IL1RL1: variants seen among roughly 807,000 people sequenced by gnomAD.
IL1RL1 encodes the protein interleukin 1 receptor like 1.
Under a neutral mutation model 50.9 loss-of-function variants are expected in IL1RL1, and 32 were observed. The ratio of observed to expected loss-of-function variants is 0.63; its 90% CI spans 0.47 to 0.84. IL1RL1 has a LOEUF of 0.84. Ranked by LOEUF, IL1RL1 falls within the 40% of genes least tolerant of loss-of-function variation. IL1RL1 has a pLI of 0.00. For missense variants in IL1RL1, 773 were observed against 662.9 expected (o/e 1.17, Z -1.82); for synonymous variants, 275 against 236.0 (o/e 1.17, Z -1.51).
chr2:102,348,220 C>G (rs777366127), intron 9 of IL1RL1, 129 bp downstream of exon 9: 82 of 706,124 alleles, frequency 1.2e-4, no homozygotes, highest in Non-Finnish European at 1.8e-4. Context: ...AATCTGTTAT[C>G]AGTGAGTTGT....
rs760006499 is a variant in IL1RL1, at chr2:102,351,866, G to A, written c.1616G>A (p.Ser539Asn). 2 of 1,613,848 alleles carry A rather than the reference G, an allele frequency of 1.2e-6. No individual in the cohort carries two copies. The highest frequency in any genetic ancestry group is 4.5e-5 in the East Asian group (2 of 44,874). The change falls in exon 11 of 11, where the codon AGC becomes AAC. Residue 539 changes from serine to asparagine, a missense_variant. Ser to Asn is a conservative substitution (Grantham distance 46). Coordinates refer to ENST00000233954, the MANE Select transcript of IL1RL1 (RefSeq NM_016232.5). ...GTGAGGTACCAAATGCCTGTGCCAA[G>A]CAAAATTCCCAGAAAGGCCTCTAGT... is the stretch of plus-strand genomic sequence containing the variant. ...KHVRYQMPVP[S>N]KIPRKASSLT...
intron 1 of IL1RL1, chr2:102,337,374 A>G (rs1410744110): frequency 1.3e-5 from 2 of 152,326 alleles, no homozygotes; most frequent in East Asian, 3.8e-4. Flanking sequence ...TTGTAATAAG[A>G]AAAGTCTTCA....
Position 102,351,670 on chromosome 2 carries a change from G to A in IL1RL1, c.1420G>A (p.Asp474Asn), listed in dbSNP as rs747989282. 3.1e-6 allele frequency: 5 copies of A among 1,614,068 alleles called. No homozygotes were observed. The highest frequency in any genetic ancestry group is 2.2e-5 in the East Asian group (1 of 44,876). ...CCTGCACTGTGCCCTCATCCAGAAC[G>A]ACGCCAAGGTGATACTTATTGAGAT... Reference protein sequence around the residue: ...VALHCALIQNDAKVILIEMEA... With the variant: ...VALHCALIQNNAKVILIEMEA... Residue 474 changes from aspartate (D) to asparagine (N), a missense_variant, in exon 11 of 11, where the codon GAC becomes AAC. Physicochemically the swap from Asp to Asn is conservative, Grantham distance 23 (BLOSUM62 1). Transcript: ENST00000233954.
intron 1 of IL1RL1, among the ~76,000 whole-genome samples, chr2:102,323,608 G>A (rs1018103207): frequency 6.6e-6 from 1 of 151,984 alleles, no homozygotes; most frequent in African/African-American, 2.4e-5. Flanking sequence ...GGAGTGCTAA[G>A]TTCTTTTTAA....
chr2:102,342,355 T>C, intron 6 of IL1RL1, 61 bp downstream of exon 6: 1 of 1,168,160 alleles, frequency 8.6e-7, no homozygotes, highest in South Asian at 1.2e-5. Context: ...ATATGACCCC[T>C]GTTCTGAATT....
intron 1 of IL1RL1, among the ~76,000 whole-genome samples, chr2:102,321,713 T>C (rs943941227): frequency 6.6e-6 from 1 of 152,192 alleles, no homozygotes; most frequent in Non-Finnish European, 1.5e-5. Context: ...CAAGGAATCA[T>C]AAATCCACCC....
chr2:102,348,151 A>G, intron 9 of IL1RL1, 60 bp downstream of exon 9: 2 of 1,365,958 alleles, frequency 1.5e-6, no homozygotes, highest in Admixed American at 1.8e-5. Context: ...ACTGTTGGTT[A>G]CCTGTCTATT....
At chr2:102,317,648 C>T (rs938979062) in intron 1 of IL1RL1, among the ~76,000 whole-genome samples, 2 of 151,912 alleles carry the variant, frequency 1.3e-5, no homozygotes, top group African/African-American at 4.8e-5. Context: ...TCTCATATCT[C>T]TTATAAAAAT....
chr2:102,335,899 C>T (rs1045102490), intron 1 of IL1RL1, among the ~76,000 whole-genome samples: 3 of 152,130 alleles, frequency 2.0e-5, no homozygotes, highest in East Asian at 1.9e-4. Flanking sequence ...CCTGATAAAA[C>T]GGACTTCCAC....
At chr2:102,348,401 C>G (rs55927292) in intron 9 of IL1RL1, among the ~76,000 whole-genome samples, 1 of 151,888 alleles carries the variant, frequency 6.6e-6, no homozygotes, top group Non-Finnish European at 1.5e-5. Context: ...CATAATGTAT[C>G]GGTAAGACAT....
chr2:102,339,202 C>G (rs937385258), intron 3 of IL1RL1, 155 bp downstream of exon 3: 8 of 607,826 alleles, frequency 1.3e-5, no homozygotes, highest in African/African-American at 5.6e-5. Context: ...GGATAAACTT[C>G]TAGGAATACT....
At chr2:102,343,531 T>C (rs1677663507) in intron 8 of IL1RL1, 116 bp downstream of exon 8, 1 of 1,588,746 alleles carries the variant, frequency 6.3e-7, no homozygotes, top group Non-Finnish European at 8.6e-7. Context: ...TGCCATAAAA[T>C]GTGCTTCTCT....
At chr2:102,320,153 CTGTT>C (rs1676795702) in intron 1 of IL1RL1, among the ~76,000 whole-genome samples, 1 of 152,154 alleles carries the variant, frequency 6.6e-6, no homozygotes, top group Admixed American at 6.5e-5. Flanking sequence ...AAGCAAAAAA[CTGTT>C]TGGTGCCTAT....
chr2:102,327,701 C>G (rs1677052287), intron 1 of IL1RL1, among the ~76,000 whole-genome samples: 1 of 152,150 alleles, frequency 6.6e-6, no homozygotes, highest in Non-Finnish European at 1.5e-5. Context: ...GAAATACAAA[C>G]TACCATCAGA....
intron 8 of IL1RL1, chr2:102,344,294 G>A (rs1048304084): frequency 1.5e-5 from 6 of 399,648 alleles, no homozygotes; most frequent in Non-Finnish European, 1.7e-5. Context: ...GAATACTGGG[G>A]ATTACCATTC....
At chr2:102,336,787 C>G (rs1042578755) in intron 1 of IL1RL1, among the ~76,000 whole-genome samples, 1 of 152,074 alleles carries the variant, frequency 6.6e-6, no homozygotes, top group Admixed American at 6.5e-5. Context: ...ATTCTGGAAC[C>G]TAGACAGAGA....
intron 1 of IL1RL1, among the ~76,000 whole-genome samples, chr2:102,327,834 A>AT (rs1417415110): frequency 6.6e-6 from 1 of 152,200 alleles, no homozygotes; most frequent in East Asian, 1.9e-4. Flanking sequence ...ATAGACCAAT[A>AT]ACAGGCTCTG....
intron 9 of IL1RL1, 80 bp from the exon 10 acceptor site, chr2:102,348,999 T>G: frequency 9.4e-7 from 1 of 1,069,380 alleles, no homozygotes; most frequent in Non-Finnish European, 1.4e-6. Flanking sequence ...CCATAAAACT[T>G]GGAGAGGAAT....
chr2:102,333,162 A>G (rs1677220295), intron 1 of IL1RL1, among the ~76,000 whole-genome samples: 1 of 152,100 alleles, frequency 6.6e-6, no homozygotes, highest in Non-Finnish European at 1.5e-5. Flanking sequence ...AGGTTCTAAC[A>G]GAATCTCCAG....
Sources: gnomAD v4.1 joint callset for allele counts (sites outside exome capture counted in the v4.1 genomes callset) on GRCh38, gnomAD v4.1.1 for gene constraint, MANE v1.5 for transcripts, NCBI Gene and HGNC (gene_info 2026-07-23, HGNC 2026-07-21) for gene names.